The following HNRNPK variants were observed in gnomAD, a reference collection of about 807,000 sequenced individuals.
HNRNPK encodes heterogeneous nuclear ribonucleoprotein K, also known as dC-stretch binding protein.
Under a neutral mutation model 67.0 loss-of-function variants are expected in HNRNPK, and 7 were observed. The ratio of observed to expected loss-of-function variants is 0.10; its 90% CI spans 0.06 to 0.20. The LOEUF is 0.20. Ranked by LOEUF, HNRNPK falls within the 10% of genes least tolerant of loss-of-function variation. HNRNPK has a pLI of 1.00. For synonymous variants in HNRNPK, 213 were observed against 193.7 expected, an observed-to-expected ratio of 1.10 and a Z score of -0.83; for missense variants, 264 against 606.5, an observed-to-expected ratio of 0.44 and a Z score of 5.93.
Position 83,971,903 on chromosome 9 carries a change from GGAGGAA to G in HNRNPK, c.926_931del (p.Leu309_Pro310del). On this transcript the variant is annotated inframe_deletion, in exon 11 of 17. Transcript: ENST00000376263. Reference sequence around the variant, plus strand: ...TTACCCCCCTCTAGGTGGTGGTGGTGGAGGAAGAGGAAGATTCCGAGCTCTGCTACC... The same window carrying G: ...TTACCCCCCTCTAGGTGGTGGTGGTGGAGGAAGATTCCGAGCTCTGCTACC... The G allele has an allele frequency of 1.3e-6, 2 of 1,560,262 alleles. No individual in the cohort carries two copies. Among genetic ancestry groups the G allele is most frequent in the Non-Finnish European group, 1.7e-6 (2 of 1,154,396 alleles).
At chr9:83,969,802 T>G (rs1245236720) in intron 16 of HNRNPK, 1 of 623,376 alleles carries the variant, frequency 1.6e-6, no homozygotes, top group Non-Finnish European at 3.1e-6. Flanking sequence ...GTCGATTTAG[T>G]TATCTAAAAA....
chr9:83,979,426 G>C (rs1588442374), intron 1 of HNRNPK, among the ~76,000 whole-genome samples: 1 of 152,204 alleles, frequency 6.6e-6, no homozygotes, highest in Non-Finnish European at 1.5e-5. Flanking sequence ...GCCGCTTGCC[G>C]TTCACCCTTC....
At position 83,969,013 on chromosome 9, in the gene HNRNPK, T is replaced by G. The variant is rs1956702316; in HGVS notation, c.*394A>C. The G allele has an allele frequency of 3.0e-6, 1 of 334,774 alleles. No individual in the cohort carries two copies. Among genetic ancestry groups the G allele is most frequent in the African/African-American group, 2.1e-5 (1 of 47,070 alleles). 20.7% of individuals were successfully genotyped at this position (334,774 alleles called of 1,614,324 possible). A position where few individuals can be genotyped will look rare whatever the true frequency, so the allele number is the denominator to read the frequency against. On this transcript the variant is annotated 3_prime_UTR_variant, in exon 17 of 17. Transcript: ENST00000376263. ...GATGCCAGGGACATGTGGACTATTG[T>G]TACTTTTCCTCCCTGTCCCACCCCC... is the stretch of plus-strand genomic sequence containing the variant.
chr9:83,972,809 A>G, intron 10 of HNRNPK, 35 bp downstream of exon 10: 1 of 1,524,024 alleles, frequency 6.6e-7, no homozygotes, highest in South Asian at 1.2e-5. Flanking sequence ...TTTGTTTCAT[A>G]AAATCAAATG....
chr9:83,977,809 T>G, intron 3 of HNRNPK, 23 bp from the exon 4 acceptor site: 1 of 1,442,884 alleles, frequency 6.9e-7, no homozygotes, highest in Non-Finnish European at 9.7e-7. Context: ...AGTTCACATT[T>G]CAAAGAAAGC....
chr9:83,970,973 TA>T (rs1298848320), intron 13 of HNRNPK, 61 bp from the exon 14 acceptor site: 2 of 1,516,282 alleles, frequency 1.3e-6, no homozygotes, highest in Non-Finnish European at 1.8e-6. Context: ...ACCGGTACTT[TA>T]AAAAAATTCA....
At chr9:83,974,678 A>C (rs1956997932) in intron 6 of HNRNPK, 89 bp from the exon 7 acceptor site, 1 of 805,638 alleles carries the variant, frequency 1.2e-6, no homozygotes, top group African/African-American at 1.7e-5. Flanking sequence ...ACAAACTTTC[A>C]CAGAGATGTA....
At position 83,969,271 on chromosome 9, in the gene HNRNPK, A is replaced by G. The variant is rs1956715115; in HGVS notation, c.*136T>C. On this transcript the variant is annotated 3_prime_UTR_variant, in exon 17 of 17. Coordinates refer to ENST00000376263, the MANE Select transcript of HNRNPK (RefSeq NM_031263.4). ...ACACCTCAAATGCAGAACACCTATG[A>G]AGCAGAGGAATGTTGGCTTTTTAAA... The G allele has an allele frequency of 2.7e-6, 2 of 741,024 alleles. No homozygotes were observed. Among genetic ancestry groups the G allele is most frequent in the Admixed American group, 2.2e-5 (1 of 45,616 alleles). The allele number at this position is 741,024 out of a possible 1,614,324, so 45.9% of individuals were successfully genotyped here.
At chr9:83,975,713 ATGGCC>A in intron 5 of HNRNPK, 2 of 612,730 alleles carry the variant, frequency 3.3e-6, no homozygotes, top group Admixed American at 2.7e-5. Flanking sequence ...ACGGAGATAT[ATGGCC>A]AAAAAAACAA....
At chr9:83,979,639 G>C (rs1023212536) in intron 1 of HNRNPK, among the ~76,000 whole-genome samples, 3 of 152,152 alleles carry the variant, frequency 2.0e-5, no homozygotes, top group Non-Finnish European at 4.4e-5. Flanking sequence ...GGCGGCCCGC[G>C]TAATGGCGAC....
At chr9:83,973,202 G>A (rs1264176148) in intron 9 of HNRNPK, 84 bp downstream of exon 9, 4 of 857,284 alleles carry the variant, frequency 4.7e-6, no homozygotes, top group Non-Finnish European at 7.9e-6. Flanking sequence ...AACTGAGAGG[G>A]GAAGCGAGAG....
intron 8 of HNRNPK, 83 bp downstream of exon 8, chr9:83,973,818 GA>G: frequency 9.6e-7 from 1 of 1,043,032 alleles, no homozygotes; most frequent in Admixed American, 1.9e-5. Flanking sequence ...ATAGAGATGG[GA>G]AAAGCACACT....
At chr9:83,971,593 A>G (rs1367426139) in intron 12 of HNRNPK, 79 bp downstream of exon 12, 7 of 1,217,470 alleles carry the variant, frequency 5.7e-6, no homozygotes, top group Middle Eastern at 3.8e-4. Context: ...TTTAATCACT[A>G]TAACCTTCAA....
intron 6 of HNRNPK, among the ~76,000 whole-genome samples, chr9:83,975,159 A>T (rs1957020945): frequency 6.6e-6 from 1 of 152,232 alleles, no homozygotes; most frequent in African/African-American, 2.4e-5. Flanking sequence ...AATGTTGGGA[A>T]GCAAGGTGGG....
chr9:83,970,602 T>TC, intron 15 of HNRNPK, 135 bp downstream of exon 15: 1 of 694,970 alleles, frequency 1.4e-6, no homozygotes, highest in South Asian at 1.9e-5. Flanking sequence ...AAAACCCAGC[T>TC]CACTAAAGCC....
chr9:83,979,658 A>C (rs1164252708), intron 1 of HNRNPK, among the ~76,000 whole-genome samples: 1 of 152,124 alleles, frequency 6.6e-6, no homozygotes, highest in Non-Finnish European at 1.5e-5. Flanking sequence ...ACTACGTGCT[A>C]CTAGGCGGAG....
At position 83,977,004 on chromosome 9, in the gene HNRNPK, G is replaced by A; in HGVS notation, c.204C>T (p.Leu68=). 1.2e-6 allele frequency: 2 copies of A among 1,605,382 alleles called. No homozygotes were observed. Among genetic ancestry groups the A allele is most frequent in the South Asian group, 2.2e-5 (2 of 90,880 alleles). The stretch of plus-strand genomic sequence containing the variant: ...AACTCTTAATACTTACGTCTGTACG[G>A]AGAGCCTTAATATTCTTGCCTCCTT... ...IGKGGKNIKA[L]RTDYNASVSV... is the part of the protein sequence containing the mutation. Residue 68 remains leucine (L), a synonymous_variant, in exon 5 of 17, where the codon CTC becomes CTT. Transcript: ENST00000376263.
intron 1 of HNRNPK, among the ~76,000 whole-genome samples, chr9:83,979,637 G>A (rs1012366407): frequency 2.6e-5 from 4 of 152,116 alleles, no homozygotes; most frequent in African/African-American, 7.2e-5. Context: ...ATGGCGGCCC[G>A]CGTAATGGCG....
intron 4 of HNRNPK, among the ~76,000 whole-genome samples, chr9:83,977,412 A>C (rs1034364319): frequency 1.3e-5 from 2 of 152,188 alleles, no homozygotes; most frequent in African/African-American, 4.8e-5. Flanking sequence ...CAGTTTCCTA[A>C]GGAGTCCACA....
Sources: gnomAD v4.1 joint callset for allele counts (sites outside exome capture counted in the v4.1 genomes callset) on GRCh38, gnomAD v4.1.1 for gene constraint, MANE v1.5 for transcripts, NCBI Gene and HGNC (gene_info 2026-07-23, HGNC 2026-07-21) for gene names.